AFG2A: variants seen among roughly 807,000 people sequenced by gnomAD.
AFG2A encodes the protein ATPase family gene 2 protein homolog A.
chr4:123,241,042 A>G, the AFG2A span, among the ~76,000 whole-genome samples: 3 of 152,222 alleles, frequency 2.0e-5, no homozygotes, highest in African/African-American at 7.2e-5. Context: ...GAAGAAATGG[A>G]TAAATTCCTG....
the AFG2A span, among the ~76,000 whole-genome samples, chr4:123,044,640 G>A: frequency 6.6e-6 from 1 of 152,048 alleles, no homozygotes; most frequent in Non-Finnish European, 1.5e-5. Flanking sequence ...TTATTTTGGT[G>A]CAAAAATAAC....
At chr4:123,159,389 A>G in the AFG2A span, among the ~76,000 whole-genome samples, 1 of 152,210 alleles carries the variant, frequency 6.6e-6, no homozygotes, top group Admixed American at 6.5e-5. Context: ...GCCAAGTCAG[A>G]TAGAAGTCAT....
the AFG2A span, among the ~76,000 whole-genome samples, chr4:123,104,174 C>T: frequency 6.6e-6 from 1 of 152,160 alleles, no homozygotes; most frequent in Non-Finnish European, 1.5e-5. Flanking sequence ...AGCATATTCT[C>T]ACTTCACATT....
At chr4:123,002,420 C>A in the AFG2A span, among the ~76,000 whole-genome samples, 4 of 152,146 alleles carry the variant, frequency 2.6e-5, no homozygotes, top group African/African-American at 9.7e-5. Context: ...TACATTTTGG[C>A]ATGATTTTGC....
the AFG2A span, among the ~76,000 whole-genome samples, chr4:123,012,795 C>T: frequency 1.3e-5 from 2 of 152,066 alleles, no homozygotes; most frequent in South Asian, 4.1e-4. Context: ...AGTAAAGAGG[C>T]CGCTTACCGA....
At chr4:122,949,983 G>A in the AFG2A span, among the ~76,000 whole-genome samples, 1 of 152,232 alleles carries the variant, frequency 6.6e-6, no homozygotes, top group East Asian at 1.9e-4. Flanking sequence ...CAGTAGGTTG[G>A]TCCTGTGGCA....
chr4:123,299,164 T>G, the AFG2A span, among the ~76,000 whole-genome samples: 14 of 151,402 alleles, frequency 9.2e-5, no homozygotes, highest in Non-Finnish European at 1.9e-4. Context: ...TGTGCACGCA[T>G]GCATGTAGAT....
At chr4:123,113,590 G>A in the AFG2A span, among the ~76,000 whole-genome samples, 1 of 152,166 alleles carries the variant, frequency 6.6e-6, no homozygotes, top group African/African-American at 2.4e-5. Context: ...AAACAAGATT[G>A]TCAGTAATTA....
At chr4:122,968,334 A>G in the AFG2A span, among the ~76,000 whole-genome samples, 8 of 152,204 alleles carry the variant, frequency 5.3e-5, no homozygotes, top group African/African-American at 1.9e-4. Context: ...AGCATAAGCT[A>G]AAATATCCAT....
chr4:123,122,083 G>A, the AFG2A span, among the ~76,000 whole-genome samples: 1 of 151,966 alleles, frequency 6.6e-6, no homozygotes, highest in South Asian at 2.1e-4. Flanking sequence ...CTGCCTCACC[G>A]ATTTACACAT....
chr4:123,010,758 T>G, the AFG2A span, among the ~76,000 whole-genome samples: 2 of 152,224 alleles, frequency 1.3e-5, no homozygotes, highest in African/African-American at 2.4e-5. Context: ...TTCTGAGACT[T>G]GCTTGACCTA....
the AFG2A span, among the ~76,000 whole-genome samples, chr4:123,182,086 T>A: frequency 5.9e-5 from 9 of 152,198 alleles, no homozygotes; most frequent in African/African-American, 2.2e-4. Context: ...ATTGATGAAA[T>A]GACACTAACT....
chr4:123,228,477 A>G, the AFG2A span, among the ~76,000 whole-genome samples: 24 of 152,116 alleles, frequency 1.6e-4, no homozygotes, highest in African/African-American at 5.8e-4. Context: ...CTTATTCCCT[A>G]TAGAAGCCAT....
chr4:123,156,129 C>A, the AFG2A span, among the ~76,000 whole-genome samples: 21 of 152,114 alleles, frequency 1.4e-4, no homozygotes, highest in Admixed American at 3.9e-4. Context: ...GGACTAACAC[C>A]CAGGATATGG....
At chr4:122,930,606 C>T in the AFG2A span, among the ~76,000 whole-genome samples, 1 of 152,140 alleles carries the variant, frequency 6.6e-6, no homozygotes, top group African/African-American at 2.4e-5. Context: ...GTATATATTG[C>T]ATGTATGTAT....
the AFG2A span, among the ~76,000 whole-genome samples, chr4:122,948,099 TG>T: frequency 6.6e-6 from 1 of 152,108 alleles, no homozygotes; most frequent in Non-Finnish European, 1.5e-5. Flanking sequence ...AGTTAGTTTT[TG>T]GGGGAGTCAG....
At chr4:123,169,434 T>A in the AFG2A span, among the ~76,000 whole-genome samples, 1 of 152,186 alleles carries the variant, frequency 6.6e-6, no homozygotes, top group Non-Finnish European at 1.5e-5. Flanking sequence ...CGTATTACAG[T>A]CTCAAAGAGA....
At chr4:122,923,254 G>A in the AFG2A span, 1 of 1,614,168 alleles carries the variant, frequency 6.2e-7, no homozygotes, top group South Asian at 1.1e-5. Flanking sequence ...TGCTGGATCA[G>A]ACTTCGCGGC....
chr4:123,313,778 G>T, the AFG2A span: 4 of 982,294 alleles, frequency 4.1e-6, no homozygotes, highest in African/African-American at 1.7e-5. Context: ...TTTAGCAATG[G>T]GCATTTAGTT....
Sources: gnomAD v4.1 joint callset for allele counts (sites outside exome capture counted in the v4.1 genomes callset) on GRCh38, gnomAD v4.1.1 for gene constraint, MANE v1.5 for transcripts, NCBI Gene and HGNC (gene_info 2026-07-23, HGNC 2026-07-21) for gene names.